The following ANKRD55 variants were observed in gnomAD, a reference collection of about 807,000 sequenced individuals.
ANKRD55 encodes ankyrin repeat domain 55.
A neutral mutation model predicts 60.6 loss-of-function variants in ANKRD55; 41 were observed. The ratio of observed to expected loss-of-function variants is 0.68; its 90% CI spans 0.53 to 0.88. ANKRD55 has a LOEUF of 0.88. ANKRD55 is among the 40% of genes least tolerant of loss of function. The pLI is 0.00. For synonymous variants in ANKRD55, 264 were observed against 290.3 expected (o/e 0.91, Z 0.92); for missense variants, 732 against 767.6 (o/e 0.95, Z 0.55).
chr5:56,197,609 G>C (rs534176172), intron 2 of ANKRD55, among the ~76,000 whole-genome samples: 4 of 152,064 alleles, frequency 2.6e-5, no homozygotes, highest in Non-Finnish European at 5.9e-5. Flanking sequence ...AATTATTTTA[G>C]TATGGTTTTA....
chr5:56,152,970 A>T (rs1224302242), intron 6 of ANKRD55, among the ~76,000 whole-genome samples: 1 of 152,178 alleles, frequency 6.6e-6, no homozygotes. Flanking sequence ...TACATTTCTG[A>T]ATAAGAAAAG....
At chr5:56,137,673 G>T in intron 7 of ANKRD55, 2 of 453,628 alleles carry the variant, frequency 4.4e-6, no homozygotes, top group Non-Finnish European at 7.9e-6. Context: ...AGAAAAAATT[G>T]ATAACCTAGA....
At chr5:56,103,442 C>T (rs1052813874) in intron 10 of ANKRD55, among the ~76,000 whole-genome samples, 1 of 152,228 alleles carries the variant, frequency 6.6e-6, no homozygotes, top group Admixed American at 6.5e-5. Context: ...TAGAAGGGAA[C>T]ACACAAATGT....
At chr5:56,155,688 AT>A (rs1758174447) in intron 6 of ANKRD55, among the ~76,000 whole-genome samples, 1 of 152,056 alleles carries the variant, frequency 6.6e-6, no homozygotes, top group African/African-American at 2.4e-5. Flanking sequence ...TCTACTAAAA[AT>A]GGAAAAATTA....
rs545141421 is a variant in ANKRD55, at chr5:56,165,979, T to A, written c.422+4715A>T. Among the ~76,000 whole-genome samples, 3 of 152,208 alleles carry A rather than the reference T, an allele frequency of 2.0e-5. No homozygotes were observed. In the East Asian group the frequency reaches 5.8e-4, roughly 29 times the overall value. ...AAGGGGAAGCTGAGCCTTGACATGTTAACTTGCCCAAGAGAATAAGAGCTG... is the reference window on the plus strand; with the variant it reads ...AAGGGGAAGCTGAGCCTTGACATGTAAACTTGCCCAAGAGAATAAGAGCTG... On this transcript the variant is annotated intron_variant, in intron 5 of 11. Transcript: ENST00000341048.
At chr5:56,195,819 T>C (rs1051165753) in intron 2 of ANKRD55, among the ~76,000 whole-genome samples, 3 of 152,200 alleles carry the variant, frequency 2.0e-5, no homozygotes, top group African/African-American at 7.2e-5. Context: ...TGAGAGGATG[T>C]TCATTTCATT....
At chr5:56,196,427 G>A (rs1759229950) in intron 2 of ANKRD55, among the ~76,000 whole-genome samples, 1 of 152,194 alleles carries the variant, frequency 6.6e-6, no homozygotes, top group African/African-American at 2.4e-5. Context: ...AGTGCCTACT[G>A]TGTGCTAACT....
chr5:56,139,205 G>A (rs1757689930), intron 7 of ANKRD55, among the ~76,000 whole-genome samples: 2 of 152,106 alleles, frequency 1.3e-5, no homozygotes, highest in African/African-American at 4.8e-5. Context: ...TTTCCACAGA[G>A]AGAAAGAACC....
chr5:56,218,435 C>T (rs1305321631), intron 2 of ANKRD55, among the ~76,000 whole-genome samples: 1 of 152,130 alleles, frequency 6.6e-6, no homozygotes, highest in Non-Finnish European at 1.5e-5. Flanking sequence ...CAGCCACCAC[C>T]CAGATCAGTC....
chr5:56,136,657 G>A (rs753862876), intron 7 of ANKRD55, among the ~76,000 whole-genome samples: 10 of 152,024 alleles, frequency 6.6e-5, no homozygotes, highest in Non-Finnish European at 1.5e-4. Context: ...AAGGCGGCTC[G>A]TACCTGTAAT....
chr5:56,210,177 C>A (rs1021782498), intron 2 of ANKRD55, among the ~76,000 whole-genome samples: 7 of 151,964 alleles, frequency 4.6e-5, no homozygotes, highest in African/African-American at 1.7e-4. Context: ...CCGAAATGGT[C>A]ATTTTTTTCT....
At chr5:56,179,604 G>A (rs774958434) in intron 3 of ANKRD55, among the ~76,000 whole-genome samples, 61 of 152,124 alleles carry the variant, frequency 4.0e-4, no homozygotes, top group Admixed American at 3.5e-3. Flanking sequence ...AGCATCTTGC[G>A]TCCTTAAATG....
At chr5:56,113,451 TAAG>T (rs939326260) in intron 9 of ANKRD55, among the ~76,000 whole-genome samples, 10 of 152,250 alleles carry the variant, frequency 6.6e-5, no homozygotes, top group African/African-American at 2.4e-4. Flanking sequence ...TTTGACAAAA[TAAG>T]AAGCACTCGT....
At chr5:56,202,152 G>A (rs1311785158) in intron 2 of ANKRD55, among the ~76,000 whole-genome samples, 9 of 152,090 alleles carry the variant, frequency 5.9e-5, no homozygotes, top group African/African-American at 2.2e-4. Context: ...CAGAGGGGGT[G>A]GTGTGGGGAG....
intron 10 of ANKRD55, among the ~76,000 whole-genome samples, chr5:56,109,749 C>T (rs1041928256): frequency 1.1e-4 from 16 of 152,108 alleles, no homozygotes; most frequent in African/African-American, 2.7e-4. Context: ...ATGCCAGGCG[C>T]GGTGGCTCAC....
intron 2 of ANKRD55, 119 bp downstream of exon 2, chr5:56,232,737 C>T (rs1046594618): frequency 4.5e-5 from 41 of 910,338 alleles, no homozygotes; most frequent in Middle Eastern, 2.6e-4. Flanking sequence ...TGCACACCCA[C>T]GCACATGAAC....
At chr5:56,105,080 C>CTAT (rs1343169491) in intron 10 of ANKRD55, among the ~76,000 whole-genome samples, 2 of 148,362 alleles carry the variant, frequency 1.3e-5, no homozygotes, top group African/African-American at 2.5e-5. Context: ...CAAGGTGGAG[C>CTAT]TATTCTTTTT....
chr5:56,171,246 C>T (rs1758606621), intron 4 of ANKRD55, among the ~76,000 whole-genome samples: 1 of 152,160 alleles, frequency 6.6e-6, no homozygotes. Flanking sequence ...TGGCTGGGAC[C>T]CTGCCACCTT....
Position 56,172,647 on chromosome 5 carries a change from C to T in ANKRD55, c.313-1844G>A, listed in dbSNP as rs1346856571. On this transcript the variant is annotated intron_variant, in intron 4 of 11. Coordinates refer to ENST00000341048, the MANE Select transcript of ANKRD55 (RefSeq NM_024669.3). The stretch of plus-strand genomic sequence containing the variant: ...ACTATCTGAAACCCTTGGTCAGTCA[C>T]TATTAAGAACCAACAAATGAGTTTG... Among the ~76,000 whole-genome samples, 25 of 152,000 alleles carry T rather than the reference C, an allele frequency of 1.6e-4. 1 individual carries two copies. The highest frequency in any genetic ancestry group is 1.6e-3 in the Admixed American group (24 of 15,262).
Sources: gnomAD v4.1 joint callset for allele counts (sites outside exome capture counted in the v4.1 genomes callset) on GRCh38, gnomAD v4.1.1 for gene constraint, MANE v1.5 for transcripts, NCBI Gene and HGNC (gene_info 2026-07-23, HGNC 2026-07-21) for gene names.